SULT4A1: variants seen among roughly 807,000 people sequenced by gnomAD.
SULT4A1 encodes sulfotransferase 4A1.
A neutral mutation model predicts 35.2 loss-of-function variants in SULT4A1; 11 were observed. That is an observed-to-expected ratio of 0.31 (90% CI 0.20 to 0.52). SULT4A1 has a LOEUF of 0.52. Ranked by LOEUF, SULT4A1 falls within the 20% of genes least tolerant of loss-of-function variation. The pLI is 0.97. For synonymous variants in SULT4A1, 152 were observed against 151.8 expected, an observed-to-expected ratio of 1.00 and a Z score of -0.01; for missense variants, 271 against 383.7, an observed-to-expected ratio of 0.71 and a Z score of 2.45.
At position 43,841,880 on chromosome 22, in the gene SULT4A1, G is replaced by A. The variant is rs753892720; in HGVS notation, c.222C>T (p.Pro74=). ...CGATGTTCATCAAGCCGATCTCATC[G>A]GGGTCAGCGCCCTGGCTCACCAAGT... ...VVYLVSQGAD[P]DEIGLMNIDE... The change falls in exon 2 of 7, where the codon CCC becomes CCT. Residue 74 remains proline, a synonymous_variant. Transcript: ENST00000330884. 13 of 1,613,984 alleles carry A rather than the reference G, an allele frequency of 8.1e-6. No homozygotes were observed. The highest frequency in any genetic ancestry group is 1.1e-5 in the South Asian group (1 of 91,074).
At chr22:43,833,395 C>T (rs933720650) in intron 5 of SULT4A1, among the ~76,000 whole-genome samples, 1 of 152,034 alleles carries the variant, frequency 6.6e-6, no homozygotes, top group African/African-American at 2.4e-5. Flanking sequence ...CCCCTCCCCA[C>T]ACCCGCCTTC....
intron 1 of SULT4A1, among the ~76,000 whole-genome samples, chr22:43,858,739 G>A (rs1230556136): frequency 7.4e-6 from 1 of 134,546 alleles, no homozygotes; most frequent in African/African-American, 2.8e-5. Context: ...ACCCCCTCCT[G>A]TGGGTGGTTT....
At chr22:43,835,873 T>A (rs1319097672) in intron 4 of SULT4A1, among the ~76,000 whole-genome samples, 1 of 152,170 alleles carries the variant, frequency 6.6e-6, no homozygotes, top group Non-Finnish European at 1.5e-5. Context: ...GAGGAGCAAG[T>A]GCACGGAGTC....
At chr22:43,826,992 A>G (rs1038297866) in intron 6 of SULT4A1, 38 of 985,336 alleles carry the variant, frequency 3.9e-5, no homozygotes, top group South Asian at 4.7e-5. Context: ...ACAGCTCAAC[A>G]TGACAAGAGA....
rs2063411333 is a variant in SULT4A1 at position 43,839,993 on chromosome 22, G to C, written c.333C>G (p.His111Gln). Residue 111 changes from histidine (H) to glutamine (Q), a missense_variant, in exon 3 of 7, where the codon CAC becomes CAG. His to Gln is a conservative substitution (Grantham distance 24). Around this residue, in one of 3 missense-constraint regions of SULT4A1, gnomAD observed 164 missense variants for 254.1 expected, o/e 0.65. Transcript: ENST00000330884. ...ELTSPRLIKSHLPYRFLPSDL... is the reference protein window; with the variant it reads ...ELTSPRLIKSQLPYRFLPSDL... ...CAGAGGGCAGAAAGCGGTAGGGCAG[G>C]TGGCTCTTGATGAGGCGGGGAGAGG... 1 of 1,610,928 alleles carries C rather than the reference G, an allele frequency of 6.2e-7. No individual in the cohort carries two copies. The highest frequency in any genetic ancestry group is 1.7e-5 in the Admixed American group (1 of 59,614).
At chr22:43,828,107 G>C (rs1009415939) in intron 6 of SULT4A1, among the ~76,000 whole-genome samples, 3 of 152,226 alleles carry the variant, frequency 2.0e-5, no homozygotes, top group African/African-American at 7.2e-5. Flanking sequence ...CTGAGCTGGA[G>C]CCCAGCGCGT....
intron 4 of SULT4A1, among the ~76,000 whole-genome samples, chr22:43,837,262 C>A (rs2063384799): frequency 6.6e-6 from 1 of 152,208 alleles, no homozygotes; most frequent in Non-Finnish European, 1.5e-5. Context: ...GTGTGTGGGA[C>A]CTTGCACTCA....
At chr22:43,845,516 C>G (rs2063469357) in intron 1 of SULT4A1, among the ~76,000 whole-genome samples, 1 of 152,236 alleles carries the variant, frequency 6.6e-6, no homozygotes, top group African/African-American at 2.4e-5. Flanking sequence ...CCCGCCGACC[C>G]TGCCGTCGGG....
chr22:43,860,374 T>C (rs2049452149), intron 1 of SULT4A1, among the ~76,000 whole-genome samples: 1 of 152,164 alleles, frequency 6.6e-6, no homozygotes, highest in African/African-American at 2.4e-5. Context: ...ACAACAGGTG[T>C]TCAGGGCTTA....
intron 1 of SULT4A1, among the ~76,000 whole-genome samples, chr22:43,847,124 C>T (rs1569504325): frequency 6.6e-6 from 1 of 152,238 alleles, no homozygotes; most frequent in Non-Finnish European, 1.5e-5. Context: ...GGTTGAACAC[C>T]TCCTGACCTT....
intron 1 of SULT4A1, among the ~76,000 whole-genome samples, chr22:43,846,928 G>A (rs1326327775): frequency 6.6e-6 from 1 of 152,182 alleles, no homozygotes; most frequent in African/African-American, 2.4e-5. Flanking sequence ...CAACGACCCA[G>A]ACAGACCTTC....
intron 1 of SULT4A1, among the ~76,000 whole-genome samples, chr22:43,854,243 T>A (rs1603409797): frequency 6.6e-6 from 1 of 152,330 alleles, no homozygotes; most frequent in East Asian, 1.9e-4. Flanking sequence ...CACGACCATG[T>A]GACATGGCCA....
chr22:43,830,008 G>A (rs2285158), intron 5 of SULT4A1, among the ~76,000 whole-genome samples: 31,023 of 152,188 alleles, frequency 0.2, 3,808 homozygotes, highest in East Asian at 0.49. Context: ...TTCTCTGACC[G>A]CTGGTGTGGG....
chr22:43,841,604 A>AC (rs1321023187), intron 2 of SULT4A1, among the ~76,000 whole-genome samples, 198 bp downstream of exon 2: 15 of 152,078 alleles, frequency 9.9e-5, no homozygotes, highest in African/African-American at 3.6e-4. Context: ...AGACTCCCTG[A>AC]CGCTGATGTG....
intron 6 of SULT4A1, chr22:43,826,843 C>A: frequency 1.0e-6 from 1 of 985,450 alleles, no homozygotes; most frequent in South Asian, 4.7e-5. Flanking sequence ...TGAGTCTGGG[C>A]ACAGCCCCCA....
intron 1 of SULT4A1, among the ~76,000 whole-genome samples, chr22:43,857,830 A>T (rs1456543498): frequency 3.3e-5 from 5 of 150,504 alleles, no homozygotes; most frequent in Non-Finnish European, 7.4e-5. Context: ...TAAGAGGATC[A>T]TTTGAGCCCA....
intron 6 of SULT4A1, among the ~76,000 whole-genome samples, chr22:43,828,191 G>A (rs111608080): frequency 0.022 from 3,334 of 152,296 alleles, 134 homozygotes; most frequent in African/African-American, 0.077. Flanking sequence ...ACGTTTCTGG[G>A]CCCTCCCTGC....
At chr22:43,846,366 C>T (rs763516338) in intron 1 of SULT4A1, among the ~76,000 whole-genome samples, 3 of 152,250 alleles carry the variant, frequency 2.0e-5, no homozygotes, top group Non-Finnish European at 4.4e-5. Context: ...CTTTTACATG[C>T]TCTCTCCTCT....
At chr22:43,837,496 C>T (rs1223006338) in intron 4 of SULT4A1, among the ~76,000 whole-genome samples, 1 of 152,176 alleles carries the variant, frequency 6.6e-6, no homozygotes, top group African/African-American at 2.4e-5. Flanking sequence ...ACCACAAGAG[C>T]AGGTGCCAGG....
Sources: gnomAD v4.1 joint callset for allele counts (sites outside exome capture counted in the v4.1 genomes callset) on GRCh38, gnomAD v4.1.1 for gene constraint, gnomAD v4.1.1 regional missense constraint, MANE v1.5 for transcripts, NCBI Gene and HGNC (gene_info 2026-07-23, HGNC 2026-07-21) for gene names.